Variants in IKBKB observed in about 807,000 individuals in gnomAD.
The protein encoded by IKBKB is inhibitor of nuclear factor kappa B kinase subunit beta.
In IKBKB, 42 loss-of-function variants were observed where a neutral mutation model predicts 113.6. That is an observed-to-expected ratio of 0.37 (90% CI 0.29 to 0.48). IKBKB has a LOEUF of 0.48. Ranked by LOEUF, IKBKB falls within the 20% of genes least tolerant of loss-of-function variation. The pLI is 0.99. For missense variants in IKBKB, 673 were observed against 939.7 expected, an observed-to-expected ratio of 0.72 and a Z score of 3.71; for synonymous variants, 296 against 361.3, an observed-to-expected ratio of 0.82 and a Z score of 2.05.
chr8:42,319,700 TC>T, intron 15 of IKBKB, 54 bp downstream of exon 15: 1 of 1,406,594 alleles, frequency 7.1e-7, no homozygotes. Context: ...GATTTTGTGC[TC>T]CCACTTTTCA....
intron 7 of IKBKB, among the ~76,000 whole-genome samples, chr8:42,307,366 C>T (rs1309444725): frequency 6.6e-6 from 1 of 152,132 alleles, no homozygotes; most frequent in Non-Finnish European, 1.5e-5. Context: ...AAGTTCTAGA[C>T]TTTATCTTAA....
intron 2 of IKBKB, among the ~76,000 whole-genome samples, chr8:42,274,116 C>T (rs1015881226): frequency 4.0e-5 from 6 of 150,750 alleles, no homozygotes; most frequent in Non-Finnish European, 5.9e-5. Context: ...CTGCAACCTC[C>T]GCCTCTTGAG....
chr8:42,325,218 G>T (rs1820513940), intron 19 of IKBKB: 3 of 985,744 alleles, frequency 3.0e-6, no homozygotes, highest in Non-Finnish European at 3.6e-6. Context: ...ACCCCTGCTT[G>T]ACCCTTCGGG....
rs4737043 is a variant in IKBKB, at chr8:42,320,991, C to T, written c.1688+147C>T. 6.6e-4 allele frequency: 345 copies of T among 520,630 alleles called. 3 individuals carry two copies. In the East Asian group the frequency reaches 0.011, roughly 17 times the overall value. 32.3% of individuals were successfully genotyped at this position (520,630 alleles called of 1,614,324 possible). A position where few individuals can be genotyped will look rare whatever the true frequency, so the allele number is the denominator to read the frequency against. On this transcript the variant is annotated intron_variant, in intron 16 of 21. Coordinates refer to ENST00000520810, the MANE Select transcript of IKBKB (RefSeq NM_001556.3). ...TGTGGGGTCACTTCCAGCAAATCAT[C>T]ACTGAGCTTCAGTTTCCAAATCTGT...
chr8:42,331,478 C>T lies in IKBKB; in HGVS notation c.*499C>T, dbSNP rs1240120446. 1.4e-6 allele frequency: 1 copy of T among 692,882 alleles called. No homozygotes were observed. The highest frequency in any genetic ancestry group is 2.6e-6 in the Non-Finnish European group (1 of 379,664). 42.9% of individuals were successfully genotyped at this position (692,882 alleles called of 1,614,324 possible). On this transcript the variant is annotated 3_prime_UTR_variant, in exon 22 of 22. Transcript: ENST00000520810. ...CCAAAGGCCCTGCTCCCTGTCCTCT[C>T]TCACTTTACAGCTTGTGTTTCTTCT...
intron 9 of IKBKB, among the ~76,000 whole-genome samples, chr8:42,315,513 T>A (rs921675430): frequency 5.9e-5 from 9 of 152,166 alleles, no homozygotes; most frequent in African/African-American, 2.2e-4. Flanking sequence ...AGGCAGGCTC[T>A]GCAGGGCCAG....
chr8:42,296,459 G>A (rs1240354196), intron 5 of IKBKB, among the ~76,000 whole-genome samples: 6 of 152,130 alleles, frequency 3.9e-5, no homozygotes, highest in Admixed American at 1.3e-4. Flanking sequence ...GTGAAACCCC[G>A]TCTCTACTAA....
In IKBKB at chr8:42,305,298, G is replaced by C. The variant is rs201515207; in HGVS notation, c.477+23G>C. On this transcript the variant is annotated intron_variant, in intron 6 of 21. Transcript: ENST00000520810. ...AGGGTAAGTGACCTCCTGGGACTGG[G>C]AAAGCCTCAGGTGGGCGTGCCGGGA... 9 of 1,520,988 alleles carry C rather than the reference G, an allele frequency of 5.9e-6. No homozygotes were observed. The Admixed American group carries it at 1.3e-4, about 23-fold the overall frequency. The allele number at this position is 1,520,988 out of a possible 1,614,324, so 94.2% of individuals were successfully genotyped here.
At chr8:42,325,391 A>G (rs1161746511) in intron 19 of IKBKB, 6 of 985,908 alleles carry the variant, frequency 6.1e-6, no homozygotes, top group African/African-American at 1.7e-5. Flanking sequence ...CTTTTCTTGT[A>G]AAAGTTCATT....
chr8:42,286,344 A>T (rs1438061019), intron 2 of IKBKB, among the ~76,000 whole-genome samples: 1 of 151,648 alleles, frequency 6.6e-6, no homozygotes, highest in Non-Finnish European at 1.5e-5. Context: ...GGAGGTTTCC[A>T]TTTTTCCTTT....
chr8:42,303,407 G>A (rs1354237888), intron 5 of IKBKB, among the ~76,000 whole-genome samples: 2 of 152,088 alleles, frequency 1.3e-5, no homozygotes, highest in African/African-American at 2.4e-5. Flanking sequence ...TTCAAGATAT[G>A]CAGTAAGTAT....
In IKBKB at chr8:42,331,611, C is replaced by G; in HGVS notation, c.*632C>G. 1 of 584,710 alleles carries G rather than the reference C, an allele frequency of 1.7e-6. No homozygotes were observed. Among genetic ancestry groups the G allele is most frequent in the Non-Finnish European group, 3.0e-6 (1 of 328,100 alleles). 36.2% of individuals were successfully genotyped at this position (584,710 alleles called of 1,614,324 possible). On this transcript the variant is annotated 3_prime_UTR_variant, in exon 22 of 22. Transcript: ENST00000520810. ...GCTAAAATTGTGTTTTTACCTACTACTTTGGTGGTTGTCCTCTTTTCGGCA... is the reference window on the plus strand; with the variant it reads ...GCTAAAATTGTGTTTTTACCTACTAGTTTGGTGGTTGTCCTCTTTTCGGCA...
At chr8:42,272,939 CA>C (rs71221204) in intron 2 of IKBKB, among the ~76,000 whole-genome samples, 338 of 51,570 alleles carry the variant, frequency 6.6e-3, no homozygotes, top group Middle Eastern at 0.013. Flanking sequence ...GACTCCGTCT[CA>C]AAAAAAAAAA....
intron 19 of IKBKB, 41 bp downstream of exon 19, chr8:42,322,535 C>G: frequency 6.2e-7 from 1 of 1,606,950 alleles, no homozygotes; most frequent in Non-Finnish European, 8.5e-7. Flanking sequence ...GCCTAGCAGC[C>G]TCCTGTGCCT....
In IKBKB at chr8:42,272,088, G is replaced by A. The variant is rs17875661; in HGVS notation, c.-13G>A. The stretch of plus-strand genomic sequence containing the variant: ...CCATCCCAAATTGCTTATAGAGTTA[G>A]CACGACATCAGTATGAGCTGGTCAC... On this transcript the variant is annotated 5_prime_UTR_variant, in exon 2 of 22. An upstream open reading frame in the 5' UTR loses its in-frame stop. Coordinates refer to ENST00000520810, the MANE Select transcript of IKBKB (RefSeq NM_001556.3). 1,382 of 1,613,258 alleles carry A rather than the reference G, an allele frequency of 8.6e-4. 14 individuals carry two copies. In the African/African-American group the frequency reaches 0.017, roughly 19 times the overall value.
Position 42,319,351 on chromosome 8 carries a change from G to A in IKBKB, c.1446G>A (p.Lys482=), listed in dbSNP as rs201250998. ...MASMSQQLKA[K]LDFFKTSIQI... is the part of the protein sequence containing the mutation. Reference sequence around the variant, plus strand: ...CCATGTCTCAGCAGCTCAAGGCCAAGTTGGATTTCTTCAAAACCAGCATCC... The same window carrying A: ...CCATGTCTCAGCAGCTCAAGGCCAAATTGGATTTCTTCAAAACCAGCATCC... The change falls in exon 14 of 22, where the codon AAG becomes AAA. Residue 482 remains lysine, a synonymous_variant. Coordinates refer to ENST00000520810, the MANE Select transcript of IKBKB (RefSeq NM_001556.3). 130 of 1,614,182 alleles carry A rather than the reference G, an allele frequency of 8.1e-5. No individual in the cohort carries two copies. Among genetic ancestry groups the A allele is most frequent in the Non-Finnish European group, 1.0e-4 (118 of 1,180,028 alleles).
At chr8:42,281,934 C>T (rs1362851813) in intron 2 of IKBKB, among the ~76,000 whole-genome samples, 1 of 152,292 alleles carries the variant, frequency 6.6e-6, no homozygotes, top group African/African-American at 2.4e-5. Flanking sequence ...AAGCTGGGCC[C>T]CTTTTGTTTC....
At position 42,319,592 on chromosome 8, in the gene IKBKB, T is replaced by A; in HGVS notation, c.1524T>A (p.Asp508Glu). ...SEQTEFGITSDKLLLAWREME... is the reference protein window; with the variant it reads ...SEQTEFGITSEKLLLAWREME... ...TTCTCAATTTTTTTTCAGCATCAGA[T>A]AAACTGCTGCTGGCCTGGAGGGAAA... The change falls in exon 15 of 22, where the codon GAT (aspartate) becomes GAA (glutamate). Residue 508 changes from aspartate to glutamate, a missense_variant. Asp to Glu is a conservative substitution (Grantham distance 45, BLOSUM62 2). Coordinates refer to ENST00000520810, the MANE Select transcript of IKBKB (RefSeq NM_001556.3). The A allele has an allele frequency of 1.9e-6, 3 of 1,591,548 alleles. No homozygotes were observed. Among genetic ancestry groups the A allele is most frequent in the Non-Finnish European group, 1.7e-6 (2 of 1,172,688 alleles).
chr8:42,319,883 T>G (rs1819441488), intron 15 of IKBKB: 3 of 454,008 alleles, frequency 6.6e-6, no homozygotes, highest in East Asian at 3.4e-5. Context: ...CAGGTTTAAA[T>G]AAGAAGCAAG....
Sources: allele counts gnomAD v4.1 joint callset (sites outside exome capture counted in the v4.1 genomes callset), GRCh38; gene constraint gnomAD v4.1.1; transcripts MANE v1.5; gene names NCBI Gene and HGNC (gene_info 2026-07-23, HGNC 2026-07-21).